OTUD7B: variants seen among roughly 807,000 people sequenced by gnomAD.
OTUD7B encodes OTU deubiquitinase 7B, also known as OTU domain-containing protein 7B.
In OTUD7B, 34 loss-of-function variants were observed where a neutral mutation model predicts 82.2. The observed-to-expected ratio is 0.41, with a 90% CI of 0.31 to 0.55. The LOEUF (loss-of-function observed/expected upper bound fraction) is 0.55, where lower values mean the gene tolerates loss of function less well. OTUD7B is among the 20% of genes least tolerant of loss of function. The pLI is 0.20. For missense variants in OTUD7B, 944 were observed against 1,062.1 expected (o/e 0.89, Z 1.55); for synonymous variants, 398 against 402.7 (o/e 0.99, Z 0.14).
At chr1:150,064,596 T>C in the OTUD7B span, among the ~76,000 whole-genome samples, 1 of 152,166 alleles carries the variant, frequency 6.6e-6, no homozygotes, top group East Asian at 1.9e-4. Flanking sequence ...CTCAAATTCC[T>C]GGGCTCAAGC....
At chr1:149,988,991 T>C (rs1553781444) in intron 1 of OTUD7B, among the ~76,000 whole-genome samples, 1 of 152,264 alleles carries the variant, frequency 6.6e-6, no homozygotes, top group Non-Finnish European at 1.5e-5. Context: ...CTTCTCTCCC[T>C]TTCTTGATTT....
At chr1:149,975,013 G>A (rs1311763114) in intron 2 of OTUD7B, among the ~76,000 whole-genome samples, 1 of 151,904 alleles carries the variant, frequency 6.6e-6, no homozygotes, top group East Asian at 1.9e-4. Context: ...CCTATTTTCT[G>A]CTTCCTGCCT....
At chr1:150,027,703 C>A in the OTUD7B span, among the ~76,000 whole-genome samples, 1 of 151,838 alleles carries the variant, frequency 6.6e-6, no homozygotes, top group Non-Finnish European at 1.5e-5. Flanking sequence ...TGCTAGTGTC[C>A]TTTAGTGCTA....
the OTUD7B span, among the ~76,000 whole-genome samples, chr1:150,040,651 C>T: frequency 2.0e-5 from 3 of 151,190 alleles, no homozygotes; most frequent in Non-Finnish European, 4.4e-5. Flanking sequence ...GAATTTGTCT[C>T]TTCTTTAGAG....
At chr1:150,059,053 CTTTTTTTTT>C in the OTUD7B span, among the ~76,000 whole-genome samples, 1 of 125,474 alleles carries the variant, frequency 8.0e-6, no homozygotes, top group African/African-American at 3.2e-5. Flanking sequence ...ACTTTCTTTT[CTTTTTTTTT>C]TTTTTTTTTG....
At chr1:150,032,487 T>A in the OTUD7B span, among the ~76,000 whole-genome samples, 2,067 of 35,082 alleles carry the variant, frequency 0.059, 53 homozygotes, top group African/African-American at 0.16. Context: ...AAAAAAAAAA[T>A]AGCCAGGTAT....
chr1:150,054,593 A>G, the OTUD7B span: 1 of 394,298 alleles, frequency 2.5e-6, no homozygotes, highest in South Asian at 1.9e-5. Context: ...AAATCACTTG[A>G]GGTCAGGAGT....
upstream of OTUD7B, among the ~76,000 whole-genome samples, chr1:150,012,215 TCTAA>T (rs1553787598): frequency 1.3e-5 from 2 of 152,134 alleles, no homozygotes; most frequent in East Asian, 1.9e-4. Flanking sequence ...CTAACTGAAC[TCTAA>T]CTGAACTGAA....
At chr1:149,974,619 G>A (rs782726231) in intron 2 of OTUD7B, among the ~76,000 whole-genome samples, 11 of 128,864 alleles carry the variant, frequency 8.5e-5, no homozygotes, top group South Asian at 2.4e-4. Flanking sequence ...GCAGAATCTC[G>A]ACTCACCGCA....
Position 149,947,311 on chromosome 1 carries a change from T to C in OTUD7B, c.1263A>G (p.Lys421=), listed in dbSNP as rs1553772375. 6.2e-7 allele frequency: 1 copy of C among 1,608,236 alleles called. No individual in the cohort carries two copies. The highest frequency in any genetic ancestry group is 2.2e-5 in the East Asian group (1 of 44,824). Residue 421 remains lysine (K), a synonymous_variant, in exon 11 of 12, where the codon AAA becomes AAG. Transcript: ENST00000581312. ...LASVILSLEV[K]LHLLHSYMNV... The stretch of plus-strand genomic sequence containing the variant: ...TCATGTAGCTATGCAGCAGATGCAA[T>C]TTGACCTCTAGGGACAGAATTACAC...
At chr1:150,048,755 G>A in the OTUD7B span, among the ~76,000 whole-genome samples, 2 of 151,912 alleles carry the variant, frequency 1.3e-5, no homozygotes, top group South Asian at 4.2e-4. Context: ...TATAAACAAA[G>A]AAAATGATTT....
At position 149,941,895 on chromosome 1, in the gene OTUD7B, T is replaced by A. The variant is rs587647376; in HGVS notation, c.*1962A>T. On this transcript the variant is annotated 3_prime_UTR_variant, in exon 12 of 12. Transcript: ENST00000581312. ...CCAGACCTGCCTAGACATATACACA[T>A]CCCTTCCTTTGGAATCTCACTGCTT... The A allele has an allele frequency of 6.6e-6, 1 of 152,272 alleles. No individual in the cohort carries two copies. Among genetic ancestry groups the A allele is most frequent in the South Asian group, 2.1e-4 (1 of 4,828 alleles). The allele number at this position is 152,272 out of a possible 1,614,324, so 9.4% of individuals were successfully genotyped here. A position where few individuals can be genotyped will look rare whatever the true frequency, so the allele number is the denominator to read the frequency against.
the OTUD7B span, among the ~76,000 whole-genome samples, chr1:150,022,426 ACT>A: frequency 1.9e-4 from 19 of 100,810 alleles, 6 homozygotes; most frequent in East Asian, 6.3e-4. Context: ...AAAAAAAATA[ACT>A]ACATGCTGAA....
At chr1:150,001,655 C>T (rs1652293944) in intron 1 of OTUD7B, among the ~76,000 whole-genome samples, 1 of 152,088 alleles carries the variant, frequency 6.6e-6, no homozygotes, top group Non-Finnish European at 1.5e-5. Context: ...CCTTTCTACC[C>T]ACCCCTTCCT....
intron 1 of OTUD7B, among the ~76,000 whole-genome samples, chr1:149,984,227 G>T (rs1351472571): frequency 8.6e-6 from 1 of 116,940 alleles, no homozygotes; most frequent in Non-Finnish European, 1.7e-5. Flanking sequence ...AAATGACCTT[G>T]CCTCCTACTT....
At chr1:150,043,840 A>G in the OTUD7B span, among the ~76,000 whole-genome samples, 6 of 152,186 alleles carry the variant, frequency 3.9e-5, no homozygotes, top group Admixed American at 6.6e-5. Context: ...GCTAGGCACT[A>G]TGGTTCACGC....
At chr1:149,994,737 A>G (rs1000167033) in intron 1 of OTUD7B, among the ~76,000 whole-genome samples, 2 of 152,080 alleles carry the variant, frequency 1.3e-5, no homozygotes, top group East Asian at 3.9e-4. Context: ...TAGCCTCCTG[A>G]GTAGCTAGGA....
intron 6 of OTUD7B, 69 bp downstream of exon 6, chr1:149,964,153 C>A: frequency 6.4e-7 from 1 of 1,558,878 alleles, no homozygotes; most frequent in South Asian, 1.1e-5. Flanking sequence ...TTTCTACTGG[C>A]AGGCACCCAG....
At chr1:150,004,533 C>T (rs1652527754) in intron 1 of OTUD7B, among the ~76,000 whole-genome samples, 2 of 151,792 alleles carry the variant, frequency 1.3e-5, no homozygotes, top group South Asian at 4.2e-4. Flanking sequence ...GCACTCCAGC[C>T]TGAGCTGGAC....
Sources: allele counts gnomAD v4.1 joint callset (sites outside exome capture counted in the v4.1 genomes callset), GRCh38; gene constraint gnomAD v4.1.1; transcripts MANE v1.5; gene names NCBI Gene and HGNC (gene_info 2026-07-23, HGNC 2026-07-21).